Variants in PI15 observed in about 807,000 individuals in gnomAD.
The protein encoded by PI15 is 25 kDa trypsin inhibitor.
In PI15, 18 loss-of-function variants were observed where a neutral mutation model predicts 31.0. The ratio of observed to expected loss-of-function variants is 0.58; its 90% CI spans 0.40 to 0.86. The LOEUF (loss-of-function observed/expected upper bound fraction) is 0.86. PI15 is among the 40% of genes least tolerant of loss of function. The pLI is 0.00. For missense variants in PI15, 282 were observed against 328.1 expected, an observed-to-expected ratio of 0.86 and a Z score of 1.09; for synonymous variants, 118 against 119.1, an observed-to-expected ratio of 0.99 and a Z score of 0.06.
At chr8:74,833,344 T>A (rs948711275) in intron 2 of PI15, among the ~76,000 whole-genome samples, 1 of 152,146 alleles carries the variant, frequency 6.6e-6, no homozygotes, top group East Asian at 1.9e-4. Context: ...TGAATTAATA[T>A]GTTTTAAAAC....
rs1280588447 is a variant in PI15 at position 74,854,480 on chromosome 8, C to T, written c.*5227C>T. The T allele has an allele frequency of 6.6e-6, 1 of 151,992 alleles. No homozygotes were observed. Among genetic ancestry groups the T allele is most frequent in the Non-Finnish European group, 1.5e-5 (1 of 67,974 alleles). 9.4% of individuals were successfully genotyped at this position (151,992 alleles called of 1,614,324 possible). A position where few individuals can be genotyped will look rare whatever the true frequency, so the allele number is the denominator to read the frequency against. ...GGATTGATTCTATCACACAGAGCAA[C>T]ATTAATCTAAATGGTTTAGCTCCCT... On this transcript the variant is annotated 3_prime_UTR_variant, in exon 6 of 6. Coordinates refer to ENST00000260113, the MANE Select transcript of PI15 (RefSeq NM_015886.5).
At chr8:74,843,273 C>A (rs550975629) in intron 2 of PI15, among the ~76,000 whole-genome samples, 1 of 152,232 alleles carries the variant, frequency 6.6e-6, no homozygotes, top group East Asian at 1.9e-4. Context: ...TTTGTTTTAA[C>A]CTTTTCTTTA....
rs200415080 is a variant in PI15, at chr8:74,831,857, AG to A, written c.273+6336del. Among the ~76,000 whole-genome samples the A allele has an allele frequency of 7.8e-3, 1,180 of 152,226 alleles. 7 individuals carry two copies. Among genetic ancestry groups the A allele is most frequent in the South Asian group, 0.029 (139 of 4,826 alleles). ...AGGAGGATGTTCTAAGAGGGTATGT[AG>A]TACACTCGAGACATGGATAAAAACT... On this transcript the variant is annotated intron_variant, in intron 2 of 5. Coordinates refer to ENST00000260113, the MANE Select transcript of PI15 (RefSeq NM_015886.5).
Position 74,850,797 on chromosome 8 carries a change from C to T in PI15, c.*1544C>T, listed in dbSNP as rs1811094300. The T allele has an allele frequency of 6.6e-6, 1 of 152,126 alleles. No individual in the cohort carries two copies. Among genetic ancestry groups the T allele is most frequent in the South Asian group, 2.1e-4 (1 of 4,818 alleles). The allele number at this position is 152,126 out of a possible 1,614,324, so 9.4% of individuals were successfully genotyped here. Reference sequence around the variant, plus strand: ...GAAATCTCTTTCAGAGAGGAGAATACAACATCTTAGTCCAGACATTTAACA... The same window carrying T: ...GAAATCTCTTTCAGAGAGGAGAATATAACATCTTAGTCCAGACATTTAACA... On this transcript the variant is annotated 3_prime_UTR_variant, in exon 6 of 6. Coordinates refer to ENST00000260113, the MANE Select transcript of PI15 (RefSeq NM_015886.5).
At chr8:74,848,699 T>C (rs1169819696) in intron 5 of PI15, among the ~76,000 whole-genome samples, 3 of 146,462 alleles carry the variant, frequency 2.0e-5, no homozygotes, top group Admixed American at 6.8e-5. Flanking sequence ...TATAAATATA[T>C]ATACAATATA....
intron 2 of PI15, among the ~76,000 whole-genome samples, chr8:74,829,271 A>T (rs1049341266): frequency 6.6e-6 from 1 of 152,136 alleles, no homozygotes; most frequent in African/African-American, 2.4e-5. Flanking sequence ...CACCTGAATT[A>T]AAAAGTTTTT....
At chr8:74,847,174 G>A (rs753369225) in intron 5 of PI15, among the ~76,000 whole-genome samples, 3 of 152,084 alleles carry the variant, frequency 2.0e-5, no homozygotes, top group Non-Finnish European at 4.4e-5. Context: ...GGCCAGGTGC[G>A]ATGGCTCACT....
At position 74,825,536 on chromosome 8, in the gene PI15, T is replaced by TC; in HGVS notation, c.273+14_273+15insC. 2 of 497,772 alleles carry TC rather than the reference T, an allele frequency of 4.0e-6. No homozygotes were observed. Among genetic ancestry groups the TC allele is most frequent in the East Asian group, 1.1e-4 (1 of 9,176 alleles). 30.8% of individuals were successfully genotyped at this position (497,772 alleles called of 1,614,324 possible). ...ATGGAATATATGGTAAGAAGAATTC[T>TC]TTTTTTTTTTTTTAAGTTCTGAGTG... On this transcript the variant is annotated intron_variant, in intron 2 of 5. Transcript: ENST00000260113.
At chr8:74,828,392 CTT>C (rs202032256) in intron 2 of PI15, among the ~76,000 whole-genome samples, 2,209 of 152,128 alleles carry the variant, frequency 0.015, 11 homozygotes, top group South Asian at 0.019. Flanking sequence ...TAGAAGGACT[CTT>C]TGAGTAAACT....
At chr8:74,832,752 T>C (rs1285147109) in intron 2 of PI15, among the ~76,000 whole-genome samples, 21 of 149,702 alleles carry the variant, frequency 1.4e-4, no homozygotes, top group Admixed American at 1.4e-3. Flanking sequence ...TTCCAGTCTA[T>C]GTTATCCATA....
At chr8:74,829,254 G>C (rs532182122) in intron 2 of PI15, among the ~76,000 whole-genome samples, 33 of 152,020 alleles carry the variant, frequency 2.2e-4, no homozygotes, top group African/African-American at 7.5e-4. Flanking sequence ...AATGATATTT[G>C]ATTCCACACC....
At chr8:74,824,819 A>T (rs1810668224) in intron 1 of PI15, 144 bp downstream of exon 1, 1 of 174,412 alleles carries the variant, frequency 5.7e-6, no homozygotes, top group Non-Finnish European at 1.2e-5. Context: ...GGCAGACATT[A>T]TCAGCACATT....
rs757871921 is a variant in PI15, at chr8:74,825,481, C to CG, written c.236dup (p.Lys80GlnfsTer16). 3 of 1,611,814 alleles carry CG rather than the reference C, an allele frequency of 1.9e-6. No individual in the cohort carries two copies. The highest frequency in any genetic ancestry group is 2.5e-6 in the Non-Finnish European group (3 of 1,178,874). ...CATTCTTGATTATCATAATCAAGTTCGGGGCAAAGTGTTCCCACCGGCAGC... is the reference window on the plus strand; with the variant it reads ...CATTCTTGATTATCATAATCAAGTTCGGGGGCAAAGTGTTCCCACCGGCAGC... On this transcript the variant is annotated frameshift_variant, in exon 2 of 6. Coordinates refer to ENST00000260113, the MANE Select transcript of PI15 (RefSeq NM_015886.5). LOFTEE classifies it high-confidence loss of function.
intron 2 of PI15, among the ~76,000 whole-genome samples, chr8:74,839,126 C>G (rs1328768451): frequency 6.6e-6 from 1 of 152,190 alleles, no homozygotes; most frequent in East Asian, 1.9e-4. Context: ...TTCCTTCTAT[C>G]TTTTGGCATC....
At chr8:74,829,328 G>T (rs1409282701) in intron 2 of PI15, among the ~76,000 whole-genome samples, 1 of 152,000 alleles carries the variant, frequency 6.6e-6, no homozygotes. Context: ...AAATTTGCAA[G>T]TAAAACTTTT....
rs1314629083 is a variant in PI15, at chr8:74,854,773, T to G, written c.*5520T>G. On this transcript the variant is annotated 3_prime_UTR_variant, in exon 6 of 6. Coordinates refer to ENST00000260113, the MANE Select transcript of PI15 (RefSeq NM_015886.5). ...ATAAACACTATTTTTAAAAAATATC[T>G]AAATATGTCTCACATATTTATATAA... 1 of 152,132 alleles carries G rather than the reference T, an allele frequency of 6.6e-6. No individual in the cohort carries two copies. The highest frequency in any genetic ancestry group is 1.5e-5 in the Non-Finnish European group (1 of 67,988). 9.4% of individuals were successfully genotyped at this position (152,132 alleles called of 1,614,324 possible).
In PI15 at chr8:74,825,524, TAAG is replaced by T. The variant is rs1319711890; in HGVS notation, c.273+8_273+10del. On this transcript the variant is annotated splice_donor_5th_base_variant and intron_variant, in intron 2 of 5. Transcript: ENST00000260113. ...CCGGCAGCAAATATGGAATATATGG[TAAG>T]AAGAATTCTTTTTTTTTTTTTTAAG... The T allele has an allele frequency of 6.3e-7, 1 of 1,588,672 alleles. No homozygotes were observed. The highest frequency in any genetic ancestry group is 8.6e-7 in the Non-Finnish European group (1 of 1,167,010).
At chr8:74,830,108 A>C (rs1271769021) in intron 2 of PI15, among the ~76,000 whole-genome samples, 1 of 152,096 alleles carries the variant, frequency 6.6e-6, no homozygotes, top group Non-Finnish European at 1.5e-5. Flanking sequence ...AGCAATGCCA[A>C]TCCTTCAGGC....
Position 74,854,994 on chromosome 8 carries a change from G to C in PI15, c.*5741G>C, listed in dbSNP as rs1324695114. On this transcript the variant is annotated 3_prime_UTR_variant, in exon 6 of 6. Transcript: ENST00000260113. The stretch of plus-strand genomic sequence containing the variant: ...CAAATGTAGCTTTTTAAAGTCCATT[G>C]TATTGTTTTTTCTTTCAATAAAAGA... The C allele has an allele frequency of 6.6e-6, 1 of 151,362 alleles. No individual in the cohort carries two copies. The highest frequency in any genetic ancestry group is 1.5e-5 in the Non-Finnish European group (1 of 67,902). The allele number at this position is 151,362 out of a possible 1,614,324, so 9.4% of individuals were successfully genotyped here.
Sources: allele counts gnomAD v4.1 joint callset (sites outside exome capture counted in the v4.1 genomes callset), GRCh38; gene constraint gnomAD v4.1.1; transcripts MANE v1.5; gene names NCBI Gene and HGNC (gene_info 2026-07-23, HGNC 2026-07-21).